Variants in RBM26 observed in about 807,000 individuals in gnomAD.
RBM26 encodes the protein RNA binding motif protein 26.
In RBM26, 30 loss-of-function variants were observed where a neutral mutation model predicts 123.6. That is an observed-to-expected ratio of 0.24 (90% confidence interval 0.18 to 0.33). RBM26 has a LOEUF of 0.33. Ranked by LOEUF, RBM26 falls within the 10% of genes least tolerant of loss-of-function variation. RBM26 has a pLI of 1.00. For missense variants in RBM26, 947 were observed against 1,203.6 expected (o/e 0.79, Z 3.15); for synonymous variants, 400 against 404.4 (o/e 0.99, Z 0.13).
chr13:79,380,619 A>G (rs1226900189), intron 1 of RBM26, among the ~76,000 whole-genome samples: 1 of 152,030 alleles, frequency 6.6e-6, no homozygotes, highest in Non-Finnish European at 1.5e-5. Flanking sequence ...TAAAACATTT[A>G]TTTCTTTGTG....
chr13:79,389,694 C>G (rs552731432), intron 1 of RBM26: 13 of 152,268 alleles, frequency 8.5e-5, no homozygotes, highest in African/African-American at 2.4e-4. Flanking sequence ...TACATATTAA[C>G]AGTAAAAGTT....
rs564532090 is a variant in RBM26 at position 79,367,526 on chromosome 13, G to C, written c.896-654C>G. 5.3e-5 allele frequency among the ~76,000 whole-genome samples: 8 copies of C among 151,566 alleles called. No individual in the cohort carries two copies. The South Asian group carries it at 1.5e-3, about 28-fold the overall frequency. On this transcript the variant is annotated intron_variant, in intron 6 of 21. Transcript: ENST00000438737. ...AGGGTCATGGGGGTAGATCCTTCAT[G>C]AATAGCTTGGTGCCCTCCCAAGGTA...
chr13:79,380,918 C>A (rs776932057), intron 1 of RBM26, among the ~76,000 whole-genome samples: 3 of 151,898 alleles, frequency 2.0e-5, no homozygotes, highest in African/African-American at 7.3e-5. Context: ...AATGTCAGGA[C>A]GGGAAATTTT....
chr13:79,351,073 A>T (rs2139404617), intron 14 of RBM26, among the ~76,000 whole-genome samples: 1 of 152,248 alleles, frequency 6.6e-6, no homozygotes, highest in East Asian at 1.9e-4. Flanking sequence ...ATATATGGGT[A>T]TATATATTAG....
chr13:79,377,801 G>A (rs527655997), intron 2 of RBM26, among the ~76,000 whole-genome samples: 31 of 152,192 alleles, frequency 2.0e-4, no homozygotes, highest in Middle Eastern at 3.4e-3. Context: ...CCAGATACTA[G>A]GGAGGCTGAG....
intron 14 of RBM26, among the ~76,000 whole-genome samples, chr13:79,349,529 C>A (rs993007576): frequency 6.6e-6 from 1 of 151,740 alleles, no homozygotes; most frequent in Non-Finnish European, 1.5e-5. Context: ...TTTTGCTACA[C>A]AAATAGCTTA....
Position 79,320,528 on chromosome 13 carries a change from A to G in RBM26, c.*93T>C. 3.1e-6 allele frequency: 4 copies of G among 1,285,224 alleles called. No homozygotes were observed. Among genetic ancestry groups the G allele is most frequent in the Non-Finnish European group, 4.0e-6 (4 of 1,006,712 alleles). 79.6% of individuals were successfully genotyped at this position (1,285,224 alleles called of 1,614,324 possible). Reference sequence around the variant, plus strand: ...AATCCATCTTCATCACATTTTACCAAAAATTGTTTTTACAAATATGTAAAA... The same window carrying G: ...AATCCATCTTCATCACATTTTACCAGAAATTGTTTTTACAAATATGTAAAA... On this transcript the variant is annotated 3_prime_UTR_variant, in exon 22 of 22. Transcript: ENST00000438737.
In RBM26 at chr13:79,358,327, T is replaced by C. The variant is rs773958150; in HGVS notation, c.1636A>G (p.Ile546Val). The change falls in exon 11 of 22, where the codon ATC (isoleucine) becomes GTC (valine). Residue 546 changes from isoleucine to valine, a missense_variant. By Grantham distance (29) the Ile-to-Val change is conservative. Around this residue, in one of 5 missense-constraint regions of RBM26, gnomAD observed 493 missense variants for 563.1 expected, o/e 0.88. Transcript: ENST00000438737. ...CTAAAATGTTCATTAAGTTTGCTGATATTATTTAATTCTGGAGGAACTTTT... is the reference window on the plus strand; with the variant it reads ...CTAAAATGTTCATTAAGTTTGCTGACATTATTTAATTCTGGAGGAACTTTT... Reference protein sequence around the residue: ...LRKVPPELNNISKLNEHFSRF... With the variant: ...LRKVPPELNNVSKLNEHFSRF... The C allele has an allele frequency of 6.2e-7, 1 of 1,611,218 alleles. No homozygotes were observed. The highest frequency in any genetic ancestry group is 1.1e-5 in the South Asian group (1 of 90,148).
chr13:79,397,804 T>A, intron 1 of RBM26, among the ~76,000 whole-genome samples: 1 of 151,558 alleles, frequency 6.6e-6, no homozygotes, highest in East Asian at 1.9e-4. Context: ...CTAGAATAAG[T>A]ACACTTGGTA....
intron 5 of RBM26, 103 bp from the exon 6 acceptor site, chr13:79,369,093 T>C: frequency 1.4e-6 from 1 of 696,586 alleles, no homozygotes; most frequent in Admixed American, 3.6e-5. Flanking sequence ...GAAAAAAAAT[T>C]TTAAATTTTG....
chr13:79,378,741 T>C (rs1273425680), intron 2 of RBM26, 48 bp downstream of exon 2: 1 of 1,217,556 alleles, frequency 8.2e-7, no homozygotes, highest in Non-Finnish European at 1.2e-6. Context: ...TGCCAAGCCT[T>C]AAATAACTTT....
At chr13:79,346,239 G>A (rs964285997) in intron 14 of RBM26, among the ~76,000 whole-genome samples, 3 of 152,156 alleles carry the variant, frequency 2.0e-5, no homozygotes, top group African/African-American at 7.2e-5. Flanking sequence ...ATCACAAATC[G>A]CTATTCTAAG....
intron 5 of RBM26, among the ~76,000 whole-genome samples, chr13:79,370,594 G>A (rs1349769511): frequency 3.3e-5 from 5 of 152,140 alleles, no homozygotes; most frequent in Non-Finnish European, 7.3e-5. Context: ...TTTCTTCCAG[G>A]TAAACAGTAA....
chr13:79,356,790 CAGA>C (rs1264352187), intron 11 of RBM26, among the ~76,000 whole-genome samples: 5 of 152,180 alleles, frequency 3.3e-5, no homozygotes, highest in African/African-American at 1.2e-4. Flanking sequence ...AACCAATCAA[CAGA>C]AGATTTCAAC....
In RBM26 at chr13:79,320,056, T is replaced by C. The variant is rs1409114139; in HGVS notation, c.*565A>G. The C allele has an allele frequency of 8.2e-6, 8 of 976,732 alleles. No individual in the cohort carries two copies. The highest frequency in any genetic ancestry group is 1.8e-5 in the African/African-American group (1 of 55,930). 60.5% of individuals were successfully genotyped at this position (976,732 alleles called of 1,614,324 possible). On this transcript the variant is annotated 3_prime_UTR_variant, in exon 22 of 22. Coordinates refer to ENST00000438737, the MANE Select transcript of RBM26 (RefSeq NM_001366735.2). Reference sequence around the variant, plus strand: ...TAACATCTGGATGCATAAGGACTCATGTAAAGCAGTCATACACCATTATCA... The same window carrying C: ...TAACATCTGGATGCATAAGGACTCACGTAAAGCAGTCATACACCATTATCA...
At chr13:79,391,518 G>T (rs1425069456) in intron 1 of RBM26, among the ~76,000 whole-genome samples, 1 of 152,066 alleles carries the variant, frequency 6.6e-6, no homozygotes, top group African/African-American at 2.4e-5. Flanking sequence ...CCACCTCCTG[G>T]GTTCAAGCAA....
intron 9 of RBM26, 112 bp downstream of exon 9, chr13:79,365,466 A>T: frequency 1.2e-6 from 1 of 843,894 alleles, no homozygotes; most frequent in Non-Finnish European, 1.9e-6. Context: ...AAATAAAATA[A>T]ATCACCATTC....
rs183902615 is a variant in RBM26, at chr13:79,380,406, T to C, written c.72-1499A>G. On this transcript the variant is annotated intron_variant, in intron 1 of 21. Coordinates refer to ENST00000438737, the MANE Select transcript of RBM26 (RefSeq NM_001366735.2). ...AGAAGAGAGAAATCTGGTTTATATA[T>C]ATGTGGAAGGATAAATAAACTACGG... is the stretch of plus-strand genomic sequence containing the variant. Among the ~76,000 whole-genome samples the C allele has an allele frequency of 8.6e-5, 13 of 151,902 alleles. 1 individual carries two copies. The highest frequency in any genetic ancestry group is 5.9e-4 in the Admixed American group (9 of 15,244).
At chr13:79,391,525 G>C (rs2077986948) in intron 1 of RBM26, among the ~76,000 whole-genome samples, 1 of 152,118 alleles carries the variant, frequency 6.6e-6, no homozygotes, top group South Asian at 2.1e-4. Flanking sequence ...CTGGGTTCAA[G>C]CAATTCTCCT....
Sources: gnomAD v4.1 joint callset for allele counts (sites outside exome capture counted in the v4.1 genomes callset) on GRCh38, gnomAD v4.1.1 for gene constraint, gnomAD v4.1.1 regional missense constraint, MANE v1.5 for transcripts, NCBI Gene and HGNC (gene_info 2026-07-23, HGNC 2026-07-21) for gene names.